Variants in SYCP2L observed in about 807,000 individuals in gnomAD.
SYCP2L encodes the protein synaptonemal complex protein 2 like, also known as synaptonemal complex protein 2-like.
SYCP2L carries 98 observed loss-of-function variants against 125.8 expected under a neutral mutation model. The observed-to-expected ratio is 0.78, with a 90% confidence interval of 0.66 to 0.92. SYCP2L has a LOEUF of 0.92. Ranked by LOEUF, SYCP2L falls within the 40% of genes least tolerant of loss-of-function variation. The pLI is 0.00. For missense variants in SYCP2L, 842 were observed against 936.4 expected, an observed-to-expected ratio of 0.90 and a Z score of 1.32; for synonymous variants, 317 against 325.4, an observed-to-expected ratio of 0.97 and a Z score of 0.28.
intron 18 of SYCP2L, among the ~76,000 whole-genome samples, chr6:10,929,154 G>A (rs542792415): frequency 1.1e-4 from 17 of 151,848 alleles, no homozygotes; most frequent in African/African-American, 4.1e-4. Flanking sequence ...GCCTCCCAAA[G>A]TGCTGGGATT....
At chr6:10,903,245 T>C (rs1365764530) in intron 8 of SYCP2L, among the ~76,000 whole-genome samples, 1 of 152,116 alleles carries the variant, frequency 6.6e-6, no homozygotes, top group Non-Finnish European at 1.5e-5. Flanking sequence ...CCATCCTGGC[T>C]AATATGGCAA....
At chr6:10,949,899 G>A (rs893530982) in intron 23 of SYCP2L, among the ~76,000 whole-genome samples, 4 of 151,670 alleles carry the variant, frequency 2.6e-5, no homozygotes, top group Non-Finnish European at 4.4e-5. Flanking sequence ...GAGTTTTCTC[G>A]TCTTTGTCCC....
chr6:10,894,715 A>C (rs1780228648), intron 4 of SYCP2L, among the ~76,000 whole-genome samples: 1 of 149,764 alleles, frequency 6.7e-6, no homozygotes, highest in Non-Finnish European at 1.5e-5. Flanking sequence ...TAAAAATAAT[A>C]ACCAAGAGAT....
intron 8 of SYCP2L, among the ~76,000 whole-genome samples, chr6:10,903,737 C>A (rs1436140354): frequency 6.6e-6 from 1 of 150,882 alleles, no homozygotes; most frequent in Non-Finnish European, 1.5e-5. Context: ...GGTGATAGAG[C>A]GAGACTCTGT....
chr6:10,966,069 T>C (rs1444200573), intron 29 of SYCP2L, among the ~76,000 whole-genome samples: 1 of 152,122 alleles, frequency 6.6e-6, no homozygotes, highest in Non-Finnish European at 1.5e-5. Context: ...GCTGAAGTCA[T>C]GCCACTGCAC....
intron 20 of SYCP2L, among the ~76,000 whole-genome samples, chr6:10,932,431 G>A (rs1050244899): frequency 5.3e-5 from 8 of 152,282 alleles, no homozygotes; most frequent in South Asian, 2.1e-4. Context: ...AGTTCGGAGC[G>A]GTTTATAAGG....
chr6:10,943,944 A>G (rs1781266502), intron 23 of SYCP2L, among the ~76,000 whole-genome samples: 1 of 152,176 alleles, frequency 6.6e-6, no homozygotes. Context: ...TTAAAAATCC[A>G]TTCCAGTGCT....
At chr6:10,946,096 A>G (rs1387179320) in intron 23 of SYCP2L, among the ~76,000 whole-genome samples, 1 of 152,058 alleles carries the variant, frequency 6.6e-6, no homozygotes, top group Non-Finnish European at 1.5e-5. Context: ...TTTACATTTC[A>G]TGTACTTTCC....
At chr6:10,899,849 G>A (rs891653136) in intron 6 of SYCP2L, among the ~76,000 whole-genome samples, 18 of 152,176 alleles carry the variant, frequency 1.2e-4, no homozygotes, top group Non-Finnish European at 1.8e-4. Context: ...TCAAGTCAAA[G>A]TTTTATGATC....
chr6:10,931,193 A>G (rs1403364029), intron 19 of SYCP2L, among the ~76,000 whole-genome samples: 1 of 152,226 alleles, frequency 6.6e-6, no homozygotes, highest in Non-Finnish European at 1.5e-5. Flanking sequence ...CTACAAGGAC[A>G]CAACAAGCAT....
At chr6:10,930,313 T>C (rs2113355835) in intron 18 of SYCP2L, 57 bp from the exon 19 acceptor site, 27 of 1,543,978 alleles carry the variant, frequency 1.7e-5, no homozygotes, top group Non-Finnish European at 2.0e-5. Context: ...TGTTTAGTTA[T>C]ACATAAGAGG....
intron 14 of SYCP2L, among the ~76,000 whole-genome samples, chr6:10,922,489 G>A (rs1320495259): frequency 2.1e-5 from 3 of 144,330 alleles, no homozygotes; most frequent in Admixed American, 7.1e-5. Flanking sequence ...TTTTTGAGAC[G>A]AAGTCTCACT....
intron 1 of SYCP2L, 59 bp downstream of exon 1, chr6:10,887,194 G>T (rs1561676439): frequency 6.2e-7 from 1 of 1,608,840 alleles, no homozygotes; most frequent in African/African-American, 1.3e-5. Context: ...GCGCGAGGGC[G>T]CGGGGTCCCT....
rs555452391 is a variant in SYCP2L at position 10,923,944 on chromosome 6, A to G, written c.1073-552A>G. Among the ~76,000 whole-genome samples, 5 of 152,148 alleles carry G rather than the reference A, an allele frequency of 3.3e-5. No individual in the cohort carries two copies. The East Asian group carries it at 5.8e-4, about 18-fold the overall frequency. ...CGTGATCCACCCGCCTCGGCCTCCC[A>G]AAGTGCTGGGATTACAGGCGTGAGC... On this transcript the variant is annotated intron_variant, in intron 14 of 29. Coordinates refer to ENST00000283141, the MANE Select transcript of SYCP2L (RefSeq NM_001040274.3).
In SYCP2L at chr6:10,898,836, A is replaced by G. The variant is rs1308920555; in HGVS notation, c.454A>G (p.Ser152Gly). 7.2e-7 allele frequency: 1 copy of G among 1,395,380 alleles called. No homozygotes were observed. The highest frequency in any genetic ancestry group is 2.3e-5 in the East Asian group (1 of 43,118). 86.4% of individuals were successfully genotyped at this position (1,395,380 alleles called of 1,614,324 possible). ...FFDTALIISRSSSEGKIQMLD... is the reference protein window; with the variant it reads ...FFDTALIISRGSSEGKIQMLD... ...TTCTTTTTGTTAGATTATTTCCAGG[A>G]GTAGTAGTGAAGGTAAGTATATTAT... The change falls in exon 6 of 30, where the codon AGT becomes GGT. Residue 152 changes from serine (S) to glycine (G), a missense_variant. Transcript: ENST00000283141.
chr6:10,939,160 AAC>A (rs1781168507), intron 21 of SYCP2L, among the ~76,000 whole-genome samples: 1 of 152,132 alleles, frequency 6.6e-6, no homozygotes, highest in Non-Finnish European at 1.5e-5. Flanking sequence ...GCTTACAAAA[AAC>A]ACATAAAAAT....
At chr6:10,963,669 A>G (rs1561703161) in intron 28 of SYCP2L, 113 bp from the exon 29 acceptor site, 1 of 1,003,306 alleles carries the variant, frequency 1.0e-6, no homozygotes, top group Non-Finnish European at 1.5e-6. Context: ...TCTATAATTA[A>G]GTAATATAAT....
intron 6 of SYCP2L, among the ~76,000 whole-genome samples, chr6:10,902,294 C>T (rs986041563): frequency 1.3e-5 from 2 of 152,156 alleles, no homozygotes; most frequent in African/African-American, 2.4e-5. Flanking sequence ...CGCTCACTTT[C>T]CCCCCTGCAT....
intron 23 of SYCP2L, among the ~76,000 whole-genome samples, chr6:10,943,100 G>T (rs1308155893): frequency 6.6e-6 from 1 of 152,072 alleles, no homozygotes; most frequent in African/African-American, 2.4e-5. Context: ...AAGCATGTAG[G>T]TCACTTGTGG....
Sources: gnomAD v4.1 joint callset for allele counts (sites outside exome capture counted in the v4.1 genomes callset) on GRCh38, gnomAD v4.1.1 for gene constraint, MANE v1.5 for transcripts, NCBI Gene and HGNC (gene_info 2026-07-23, HGNC 2026-07-21) for gene names.